Variants in GLP2R observed in about 807,000 individuals in gnomAD.
GLP2R encodes glucagon like peptide 2 receptor.
GLP2R carries 59 observed loss-of-function variants against 68.2 expected under a neutral mutation model. The observed-to-expected ratio is 0.87, with a 90% confidence interval of 0.70 to 1.07. GLP2R has a LOEUF of 1.07. Ranked by LOEUF, GLP2R falls within the 50% of genes least tolerant of loss-of-function variation. The probability of loss-of-function intolerance (pLI) is 0.00; values close to 1 mark genes in which losing one functional copy is unlikely to be tolerated. For missense variants in GLP2R, 548 were observed against 677.4 expected (o/e 0.81, Z 2.12); for synonymous variants, 270 against 265.4 (o/e 1.02, Z -0.17).
At chr17:9,870,654 G>C (rs981267326) in intron 9 of GLP2R, 93 bp from the exon 10 acceptor site, 13 of 735,922 alleles carry the variant, frequency 1.8e-5, no homozygotes, top group Non-Finnish European at 3.3e-5. Flanking sequence ...ACATTGAACT[G>C]ATGGAACTGA....
At position 9,889,784 on chromosome 17, in the gene GLP2R, G is replaced by A. The variant is rs938550263; in HGVS notation, c.*79G>A. 15 of 839,834 alleles carry A rather than the reference G, an allele frequency of 1.8e-5. No individual in the cohort carries two copies. The highest frequency in any genetic ancestry group is 3.6e-4 in the Middle Eastern group (1 of 2,802). The allele number at this position is 839,834 out of a possible 1,614,324, so 52.0% of individuals were successfully genotyped here. A position where few individuals can be genotyped will look rare whatever the true frequency, so the allele number is the denominator to read the frequency against. On this transcript the variant is annotated 3_prime_UTR_variant, in exon 13 of 13. Coordinates refer to ENST00000262441, the MANE Select transcript of GLP2R (RefSeq NM_004246.3). ...GAAGAGGAAGCAAAGCAGGACACACGTTGCTGGGCACGGAATCATTCTCGT... is the reference window on the plus strand; with the variant it reads ...GAAGAGGAAGCAAAGCAGGACACACATTGCTGGGCACGGAATCATTCTCGT...
intron 4 of GLP2R, 49 bp downstream of exon 4, chr17:9,842,665 TC>T: frequency 1.9e-6 from 3 of 1,605,498 alleles, no homozygotes; most frequent in Non-Finnish European, 2.6e-6. Context: ...CAAACCACCC[TC>T]CTTCGGGACA....
chr17:9,835,614 G>A (rs148252363), intron 2 of GLP2R, among the ~76,000 whole-genome samples: 47 of 152,250 alleles, frequency 3.1e-4, no homozygotes, highest in African/African-American at 1.1e-3. Flanking sequence ...TGGTCGTTTT[G>A]TACATTCACA....
chr17:9,838,214 A>C (rs1437054156), intron 3 of GLP2R, among the ~76,000 whole-genome samples: 1 of 152,136 alleles, frequency 6.6e-6, no homozygotes, highest in Non-Finnish European at 1.5e-5. Context: ...CCGAGGTCAG[A>C]CCCAGTCCCT....
chr17:9,850,979 A>G (rs1597386426), intron 4 of GLP2R, among the ~76,000 whole-genome samples: 2 of 152,064 alleles, frequency 1.3e-5, no homozygotes, highest in African/African-American at 2.4e-5. Context: ...AGGCTTGTGA[A>G]GCACCATGCC....
chr17:9,854,949 A>C (rs995091053), intron 5 of GLP2R, among the ~76,000 whole-genome samples: 3 of 152,136 alleles, frequency 2.0e-5, no homozygotes, highest in African/African-American at 4.8e-5. Flanking sequence ...TCTTTTTGTG[A>C]TGATCAAGGA....
rs763534036 is a variant in GLP2R at position 9,889,486 on chromosome 17, C to T, written c.1443C>T (p.Leu481=). 1 of 1,614,174 alleles carries T rather than the reference C, an allele frequency of 6.2e-7. No homozygotes were observed. Among genetic ancestry groups the T allele is most frequent in the Non-Finnish European group, 8.5e-7 (1 of 1,180,012 alleles). ...FRFLGKCPKK[L]SEGDGAEKLR... ...TCCTAGGAAAATGTCCCAAGAAGCT[C>T]TCGGAAGGAGATGGCGCTGAGAAGC... The change falls in exon 13 of 13, where the codon CTC becomes CTT. Residue 481 remains leucine, a synonymous_variant. Coordinates refer to ENST00000262441, the MANE Select transcript of GLP2R (RefSeq NM_004246.3).
chr17:9,842,436 T>C, intron 3 of GLP2R, 59 bp from the exon 4 acceptor site: 1 of 1,610,420 alleles, frequency 6.2e-7, no homozygotes, highest in East Asian at 2.2e-5. Context: ...CTCTGTGGCA[T>C]GCTCAGGGGA....
At chr17:9,875,480 C>G (rs1247528417) in intron 10 of GLP2R, among the ~76,000 whole-genome samples, 1 of 152,216 alleles carries the variant, frequency 6.6e-6, no homozygotes, top group African/African-American at 2.4e-5. Flanking sequence ...GATCTGGCCT[C>G]CCTCCAGGAT....
chr17:9,826,604 T>A (rs541390112), intron 1 of GLP2R, among the ~76,000 whole-genome samples: 1 of 152,358 alleles, frequency 6.6e-6, no homozygotes, highest in African/African-American at 2.4e-5. Flanking sequence ...TCCTTCTGTT[T>A]GTCTTCAGTA....
At chr17:9,875,669 A>G (rs1268920153) in intron 10 of GLP2R, among the ~76,000 whole-genome samples, 1 of 152,162 alleles carries the variant, frequency 6.6e-6, no homozygotes, top group Non-Finnish European at 1.5e-5. Flanking sequence ...CCAAGTGTGA[A>G]GGAGGAACTT....
At chr17:9,847,526 C>T (rs2066852135) in intron 4 of GLP2R, among the ~76,000 whole-genome samples, 1 of 152,150 alleles carries the variant, frequency 6.6e-6, no homozygotes, top group Admixed American at 6.5e-5. Flanking sequence ...CCTCAGCCTC[C>T]CAAAGTGCTG....
intron 10 of GLP2R, among the ~76,000 whole-genome samples, chr17:9,871,269 G>A (rs2067090102): frequency 6.6e-6 from 1 of 151,510 alleles, no homozygotes; most frequent in Non-Finnish European, 1.5e-5. Flanking sequence ...TGAGGGGCTT[G>A]CTTGAGCCCA....
At position 9,844,924 on chromosome 17, in the gene GLP2R, C is replaced by A. The variant is rs1203368335; in HGVS notation, c.504+2308C>A. On this transcript the variant is annotated intron_variant, in intron 4 of 12. Coordinates refer to ENST00000262441, the MANE Select transcript of GLP2R (RefSeq NM_004246.3). ...CAGGCTGGTCTCGAACTCCTGACCT[C>A]AGGTGATCCACCCGCCTTGGCCTCC... Among the ~76,000 whole-genome samples, 5 of 151,562 alleles carry A rather than the reference C, an allele frequency of 3.3e-5. No homozygotes were observed. The East Asian group carries it at 5.9e-4, about 18-fold the overall frequency.
intron 9 of GLP2R, among the ~76,000 whole-genome samples, chr17:9,863,421 T>C (rs568255848): frequency 6.6e-6 from 1 of 152,202 alleles, no homozygotes; most frequent in African/African-American, 2.4e-5. Flanking sequence ...ATTACTTGCC[T>C]AAAATCATAG....
intron 4 of GLP2R, among the ~76,000 whole-genome samples, chr17:9,847,625 A>G (rs990438010): frequency 6.6e-6 from 1 of 152,106 alleles, no homozygotes; most frequent in African/African-American, 2.4e-5. Context: ...AAATTTGCCA[A>G]TCAGTTCTCA....
At chr17:9,828,409 T>C (rs2066651794) in intron 1 of GLP2R, among the ~76,000 whole-genome samples, 1 of 152,194 alleles carries the variant, frequency 6.6e-6, no homozygotes, top group Admixed American at 6.5e-5. Context: ...GGATATCTCA[T>C]ATCAACACTG....
intron 10 of GLP2R, among the ~76,000 whole-genome samples, chr17:9,871,298 G>A (rs1300854262): frequency 6.6e-6 from 1 of 150,502 alleles, no homozygotes; most frequent in Admixed American, 6.6e-5. Context: ...AGGCTGCAGT[G>A]AGCCATGATT....
chr17:9,845,679 G>A (rs915087810), intron 4 of GLP2R, among the ~76,000 whole-genome samples: 1 of 152,078 alleles, frequency 6.6e-6, no homozygotes, highest in African/African-American at 2.4e-5. Context: ...TTGTCATTGT[G>A]AGTTTTTTGG....
Sources: allele counts gnomAD v4.1 joint callset (sites outside exome capture counted in the v4.1 genomes callset), GRCh38; gene constraint gnomAD v4.1.1; transcripts MANE v1.5; gene names NCBI Gene and HGNC (gene_info 2026-07-23, HGNC 2026-07-21).